TBC1D30: variants seen among roughly 807,000 people sequenced by gnomAD.
TBC1D30 encodes TBC1 domain family, member 30.
Under a neutral mutation model 63.2 loss-of-function variants are expected in TBC1D30, and 31 were observed. The ratio of observed to expected loss-of-function variants is 0.49; its 90% confidence interval spans 0.37 to 0.66. The LOEUF is 0.66. TBC1D30 is among the 30% of genes least tolerant of loss of function. The pLI is 0.00. For missense variants in TBC1D30, 810 were observed against 953.6 expected (o/e 0.85, Z 1.98); for synonymous variants, 307 against 361.5 (o/e 0.85, Z 1.71).
At chr12:64,800,556 G>T (rs1396115328) in intron 2 of TBC1D30, among the ~76,000 whole-genome samples, 1 of 152,150 alleles carries the variant, frequency 6.6e-6, no homozygotes, top group African/African-American at 2.4e-5. Context: ...GTGTGATATG[G>T]GAAGAGGAGG....
chr12:64,825,135 A>G lies in TBC1D30; in HGVS notation c.154+102A>G, dbSNP rs1874200659. The G allele has an allele frequency of 5.6e-6, 8 of 1,417,174 alleles. No homozygotes were observed. The East Asian group carries it at 2.1e-4, about 37-fold the overall frequency. 87.8% of individuals were successfully genotyped at this position (1,417,174 alleles called of 1,614,324 possible). A position where few individuals can be genotyped will look rare whatever the true frequency, so the allele number is the denominator to read the frequency against. ...CCGTCTAGGCCGGGGAGCTCTGGGG[A>G]AAGTCCGCGTGCCACCTGGTGCGGG... On this transcript the variant is annotated intron_variant, in intron 1 of 11. Coordinates refer to ENST00000539867, the MANE Select transcript of TBC1D30 (RefSeq NM_015279.2).
intron 2 of TBC1D30, among the ~76,000 whole-genome samples, chr12:64,812,660 A>G (rs982798070): frequency 6.6e-6 from 1 of 152,346 alleles, no homozygotes; most frequent in East Asian, 1.9e-4. Context: ...CAAATTTTAG[A>G]AAATTGCATG....
intron 1 of TBC1D30, among the ~76,000 whole-genome samples, chr12:64,781,976 C>G (rs190385800): frequency 6.6e-6 from 1 of 151,290 alleles, no homozygotes; most frequent in East Asian, 1.9e-4. Context: ...ATGGAGAGGT[C>G]GACCTGAGAA....
At chr12:64,827,946 C>T (rs1789760310) in intron 2 of TBC1D30, 50 bp downstream of exon 2, 3 of 1,214,740 alleles carry the variant, frequency 2.5e-6, no homozygotes, top group Non-Finnish European at 3.5e-6. Context: ...CAACAGGGCA[C>T]ATTGAGATAT....
chr12:64,811,643 A>G (rs1873227202), intron 2 of TBC1D30, among the ~76,000 whole-genome samples: 2 of 152,158 alleles, frequency 1.3e-5, no homozygotes, highest in Non-Finnish European at 2.9e-5. Context: ...ATGGCATCGT[A>G]TAAGATAGAG....
At chr12:64,845,465 G>A (rs1876280578) in intron 8 of TBC1D30, among the ~76,000 whole-genome samples, 1 of 152,162 alleles carries the variant, frequency 6.6e-6, no homozygotes. Context: ...GGTGGCTCAT[G>A]CCTGTAATCC....
At chr12:64,873,403 C>T (rs769579640) in intron 11 of TBC1D30, among the ~76,000 whole-genome samples, 3 of 152,080 alleles carry the variant, frequency 2.0e-5, no homozygotes, top group Non-Finnish European at 2.9e-5. Context: ...TTAAAGGGCT[C>T]AGTTTCAGAA....
intron 1 of TBC1D30, among the ~76,000 whole-genome samples, chr12:64,769,362 C>T (rs182700834): frequency 1.3e-4 from 20 of 151,650 alleles, no homozygotes; most frequent in South Asian, 2.1e-4. Context: ...TGCACCACCA[C>T]GCTCGGCTAA....
At chr12:64,869,146 G>T (rs1376949202) in intron 10 of TBC1D30, among the ~76,000 whole-genome samples, 20 of 152,118 alleles carry the variant, frequency 1.3e-4, no homozygotes, top group Non-Finnish European at 4.4e-5. Flanking sequence ...CTTGTTCAAA[G>T]ATATTAGAAA....
rs111832477 is a variant in TBC1D30 at position 64,782,138 on chromosome 12, C to A, written c.478+852C>A. 1.8e-4 allele frequency among the ~76,000 whole-genome samples: 27 copies of A among 151,082 alleles called. 2 individuals carry two copies. The highest frequency in any genetic ancestry group is 6.1e-4 in the African/African-American group (25 of 41,214). ...GCAGTAACACAGTTATTAGAGTTGTCTTTTTTGGTATAGAAATATCAAGAC... is the reference window on the plus strand; with the variant it reads ...GCAGTAACACAGTTATTAGAGTTGTATTTTTTGGTATAGAAATATCAAGAC... On this transcript the variant is annotated intron_variant, in intron 1 of 12. Coordinates refer to the TBC1D30 transcript ENST00000542120.
rs73325468 is a variant in TBC1D30 at position 64,835,463 on chromosome 12, A to G, written c.595-1027A>G. ...ATGTGAGATAGCTACTTTTCCATCGACATAGAGCCCATTATATATATAGAA... is the reference window on the plus strand; with the variant it reads ...ATGTGAGATAGCTACTTTTCCATCGGCATAGAGCCCATTATATATATAGAA... On this transcript the variant is annotated intron_variant, in intron 5 of 11. Coordinates refer to ENST00000539867, the MANE Select transcript of TBC1D30 (RefSeq NM_015279.2). 3.5e-4 allele frequency among the ~76,000 whole-genome samples: 53 copies of G among 152,292 alleles called. 2 individuals are homozygous for G. The highest frequency in any genetic ancestry group is 1.2e-3 in the African/African-American group (50 of 41,558).
intron 2 of TBC1D30, among the ~76,000 whole-genome samples, chr12:64,798,050 C>T (rs1255316677): frequency 6.6e-6 from 1 of 152,272 alleles, no homozygotes; most frequent in East Asian, 1.9e-4. Context: ...AGTATTGGCC[C>T]TACTTACCTC....
chr12:64,821,452 G>A (rs760700605), upstream of TBC1D30, among the ~76,000 whole-genome samples: 3 of 152,276 alleles, frequency 2.0e-5, no homozygotes, highest in East Asian at 3.9e-4. Context: ...GATGGAAACC[G>A]AGCATGAATA....
chr12:64,869,075 T>C lies in TBC1D30; in HGVS notation c.1292-1527T>C, dbSNP rs1878449001. Reference sequence around the variant, plus strand: ...TGGTTCTCTACGTCCTTTCTTGTCTTGGGTGGAAGCTTTTCTTTTAGGATA... The same window carrying C: ...TGGTTCTCTACGTCCTTTCTTGTCTCGGGTGGAAGCTTTTCTTTTAGGATA... On this transcript the variant is annotated intron_variant, in intron 10 of 11. Transcript: ENST00000539867. Among the ~76,000 whole-genome samples, 2 of 152,160 alleles carry C rather than the reference T, an allele frequency of 1.3e-5. 1 individual carries two copies. The highest frequency in any genetic ancestry group is 4.1e-4 in the South Asian group (2 of 4,826).
At chr12:64,832,353 G>A in intron 5 of TBC1D30, 49 bp downstream of exon 5, 1 of 1,492,754 alleles carries the variant, frequency 6.7e-7, no homozygotes, top group Non-Finnish European at 9.0e-7. Flanking sequence ...CTGAGAGTGA[G>A]AAATTGGAAC....
chr12:64,854,398 T>C (rs1448609725), intron 8 of TBC1D30, among the ~76,000 whole-genome samples: 1 of 152,218 alleles, frequency 6.6e-6, no homozygotes, highest in Non-Finnish European at 1.5e-5. Flanking sequence ...GTCCCTCTGC[T>C]TTTTAACTCC....
At chr12:64,764,401 A>T (rs1170139210) in intron 1 of TBC1D30, among the ~76,000 whole-genome samples, 1 of 152,208 alleles carries the variant, frequency 6.6e-6, no homozygotes, top group Admixed American at 6.5e-5. Context: ...ACTTTTCATC[A>T]TGACCTCTGA....
rs923027097 is a variant in TBC1D30 at position 64,877,827 on chromosome 12, C to T, written c.*2039C>T. 3.9e-5 allele frequency: 6 copies of T among 152,570 alleles called. No homozygotes were observed. The highest frequency in any genetic ancestry group is 1.4e-4 in the African/African-American group (6 of 41,458). The allele number at this position is 152,570 out of a possible 1,614,324, so 9.5% of individuals were successfully genotyped here. On this transcript the variant is annotated 3_prime_UTR_variant, in exon 12 of 12. Transcript: ENST00000539867. ...TCAAATGAGTCAGAATAGTCATGTT[C>T]CCCTTGAGGGATGTCTGACTTGAAT...
At chr12:64,858,953 A>C (rs1231489340) in intron 8 of TBC1D30, among the ~76,000 whole-genome samples, 1 of 152,070 alleles carries the variant, frequency 6.6e-6, no homozygotes, top group Non-Finnish European at 1.5e-5. Context: ...AGAGGAATTT[A>C]GGAAAGCCTT....
Sources: allele counts gnomAD v4.1 joint callset (sites outside exome capture counted in the v4.1 genomes callset), GRCh38; gene constraint gnomAD v4.1.1; transcripts MANE v1.5; gene names NCBI Gene and HGNC (gene_info 2026-07-23, HGNC 2026-07-21).